CYP4F11: variants seen among roughly 807,000 people sequenced by gnomAD.
CYP4F11 encodes the protein cytochrome P450 family 4 subfamily F member 11.
In CYP4F11, 79 loss-of-function variants were observed where a neutral mutation model predicts 62.2. That is an observed-to-expected ratio of 1.27 (90% confidence interval 1.06 to 1.53). The LOEUF is 1.53. Ranked by LOEUF, CYP4F11 falls within the 40% of genes most tolerant of loss-of-function variation. CYP4F11 has a pLI of 0.00. For synonymous variants in CYP4F11, 290 were observed against 263.7 expected, an observed-to-expected ratio of 1.10 and a Z score of -0.97; for missense variants, 777 against 680.5, an observed-to-expected ratio of 1.14 and a Z score of -1.58.
chr19:15,923,238 C>CCTCTCT (rs3056063), intron 6 of CYP4F11, among the ~76,000 whole-genome samples: 9,685 of 110,204 alleles, frequency 0.088, 517 homozygotes, highest in Admixed American at 0.11. Context: ...AAGCAAACAT[C>CCTCTCT]CTCTCTCTCT....
chr19:15,931,600 G>GCGGGGAGAGGAA (rs1172777643), intron 1 of CYP4F11, among the ~76,000 whole-genome samples: 1 of 115,652 alleles, frequency 8.6e-6, no homozygotes, highest in South Asian at 3.0e-4. Flanking sequence ...GAATGAGTGA[G>GCGGGGAGAGGAA]TGAGGAGAGG....
intron 8 of CYP4F11, among the ~76,000 whole-genome samples, chr19:15,915,270 T>C (rs368021125): frequency 2.6e-5 from 4 of 152,336 alleles, no homozygotes; most frequent in African/African-American, 9.6e-5. Flanking sequence ...GTATTAGCGA[T>C]AGTAGCAAAT....
chr19:15,914,064 A>G (rs2035217385), intron 11 of CYP4F11, among the ~76,000 whole-genome samples, 155 bp from the exon 12 acceptor site: 1 of 152,100 alleles, frequency 6.6e-6, no homozygotes, highest in African/African-American at 2.4e-5. Context: ...GTGTGCTTGC[A>G]TATCCCCCAA....
rs190311125 is a variant in CYP4F11 at position 15,913,916 on chromosome 19, G to C, written c.1398-7C>G. ...CGCCTGCCCGATGCAGTTTCTGGGG[G>C]CAAAAGTGAGGGAATCTGACTGTGC... On this transcript the variant is annotated splice_polypyrimidine_tract_variant and splice_region_variant and intron_variant, in intron 11 of 11. Transcript: ENST00000402119. 1.2e-6 allele frequency: 2 copies of C among 1,607,640 alleles called. No individual in the cohort carries two copies. The highest frequency in any genetic ancestry group is 2.7e-5 in the African/African-American group (2 of 74,982).
chr19:15,923,251 C>CTT (rs1180603044), intron 6 of CYP4F11, among the ~76,000 whole-genome samples: 1 of 148,656 alleles, frequency 6.7e-6, no homozygotes, highest in African/African-American at 2.5e-5. Flanking sequence ...CTCTCTCTCT[C>CTT]TCTCTCTCTC....
chr19:15,934,043 G>GGGAGAGGAATGAGTGAGCGA (rs2089754617), intron 1 of CYP4F11, among the ~76,000 whole-genome samples, 168 bp downstream of exon 1: 1 of 135,166 alleles, frequency 7.4e-6, no homozygotes, highest in Non-Finnish European at 1.6e-5. Flanking sequence ...TGAGTGAGCG[G>GGGAGAGGAATGAGTGAGCGA]GGAGAGGAAT....
chr19:15,934,552 G>C, upstream of CYP4F11: 1 of 977,598 alleles, frequency 1.0e-6, no homozygotes, highest in Non-Finnish European at 1.4e-6. Context: ...CAAGAGCTGA[G>C]ATCTAAAGTC....
intron 4 of CYP4F11, 44 bp from the exon 5 acceptor site, chr19:15,924,926 G>T (rs778384629): frequency 1.3e-6 from 2 of 1,582,716 alleles, no homozygotes; most frequent in East Asian, 2.3e-5. Context: ...ACTGCCTCCT[G>T]GGAGCACCTT....
chr19:15,915,748 T>C (rs1338736941), intron 8 of CYP4F11, among the ~76,000 whole-genome samples: 10 of 152,038 alleles, frequency 6.6e-5, no homozygotes, highest in Non-Finnish European at 1.0e-4. Context: ...AGCTATAAAA[T>C]AATTTTCCCA....
intron 2 of CYP4F11, chr19:15,927,687 C>T: frequency 1.6e-6 from 1 of 625,308 alleles, no homozygotes; most frequent in Admixed American, 2.9e-5. Context: ...AGAGCAATAA[C>T]ACAGCATGCC....
chr19:15,934,450 AG>A lies in CYP4F11; in HGVS notation c.-43del, dbSNP rs2089761973. On this transcript the variant is annotated 5_prime_UTR_variant, in exon 1 of 12. Transcript: ENST00000402119. Reference sequence around the variant, plus strand: ...GATGGAGGGTGGGATCCTGAGGCCCAGGGAAGGGCCCAGGAAGCTCCAAGGA... The same window carrying A: ...GATGGAGGGTGGGATCCTGAGGCCCAGGAAGGGCCCAGGAAGCTCCAAGGA... 6.2e-7 allele frequency: 1 copy of A among 1,605,202 alleles called. No individual in the cohort carries two copies. The highest frequency in any genetic ancestry group is 1.7e-5 in the Admixed American group (1 of 57,970).
chr19:15,925,572 C>A (rs889810955), intron 4 of CYP4F11, among the ~76,000 whole-genome samples: 10 of 151,880 alleles, frequency 6.6e-5, no homozygotes, highest in Admixed American at 2.0e-4. Context: ...GCATGTGGGG[C>A]TTAAAACCTG....
At chr19:15,934,141 A>T in intron 1 of CYP4F11, 70 bp downstream of exon 1, 4 of 1,539,506 alleles carry the variant, frequency 2.6e-6, no homozygotes, top group South Asian at 1.1e-5. Context: ...CAGCTCCCTG[A>T]GCCCCATTCC....
At chr19:15,931,572 ATGAGTGAGCGAGGAGAGGAATGAG>A (rs2089721112) in intron 1 of CYP4F11, among the ~76,000 whole-genome samples, 1 of 116,514 alleles carries the variant, frequency 8.6e-6, no homozygotes, top group East Asian at 2.4e-4. Flanking sequence ...GAGGAGAGGA[ATGAGTGAGCGAGGAGAGGAATGAG>A]TGAGTGAGGA....
At chr19:15,925,938 G>T (rs1182822069) in intron 4 of CYP4F11, among the ~76,000 whole-genome samples, 1 of 151,868 alleles carries the variant, frequency 6.6e-6, no homozygotes, top group South Asian at 2.1e-4. Flanking sequence ...GCCAAGGCAG[G>T]TGGATCGTGA....
intron 1 of CYP4F11, among the ~76,000 whole-genome samples, chr19:15,930,049 C>G (rs947805093): frequency 1.8e-5 from 2 of 109,636 alleles, no homozygotes; most frequent in Non-Finnish European, 4.2e-5. Flanking sequence ...TAAACTCTCT[C>G]TCTCACGCTC....
intron 8 of CYP4F11, among the ~76,000 whole-genome samples, chr19:15,921,529 C>A (rs2089629164): frequency 6.6e-6 from 1 of 152,230 alleles, no homozygotes; most frequent in South Asian, 2.1e-4. Flanking sequence ...CTCTCCAGAG[C>A]ACCGAAAGGT....
intron 8 of CYP4F11, among the ~76,000 whole-genome samples, chr19:15,921,596 C>G (rs545306404): frequency 1.6e-4 from 24 of 152,304 alleles, no homozygotes; most frequent in African/African-American, 5.5e-4. Context: ...TGAATGAAGA[C>G]TGGATGGATG....
At chr19:15,927,128 G>T (rs1009829964) in intron 4 of CYP4F11, 84 bp downstream of exon 4, 2 of 1,510,386 alleles carry the variant, frequency 1.3e-6, no homozygotes, top group South Asian at 1.3e-5. Context: ...TGTCCCCAAA[G>T]CACAACCAAA....
Sources: allele counts gnomAD v4.1 joint callset (sites outside exome capture counted in the v4.1 genomes callset), GRCh38; gene constraint gnomAD v4.1.1; transcripts MANE v1.5; gene names NCBI Gene and HGNC (gene_info 2026-07-23, HGNC 2026-07-21).